CCDC158: variants seen among roughly 807,000 people sequenced by gnomAD.
The protein encoded by CCDC158 is coiled-coil domain-containing protein 158.
A neutral mutation model predicts 138.6 loss-of-function variants in CCDC158; 116 were observed. The observed-to-expected ratio is 0.84, with a 90% CI of 0.72 to 0.98. The LOEUF (loss-of-function observed/expected upper bound fraction) is 0.98, where lower values mean the gene tolerates loss of function less well. CCDC158 is among the 50% of genes least tolerant of loss of function. The pLI is 0.00. For missense variants in CCDC158, 1,265 were observed against 1,306.1 expected, an observed-to-expected ratio of 0.97 and a Z score of 0.48; for synonymous variants, 436 against 442.4, an observed-to-expected ratio of 0.99 and a Z score of 0.18.
At chr4:76,392,926 A>T (rs1160356764) in intron 4 of CCDC158, among the ~76,000 whole-genome samples, 1 of 151,966 alleles carries the variant, frequency 6.6e-6, no homozygotes, top group Non-Finnish European at 1.5e-5. Context: ...AATTAACCAA[A>T]GAAGTGAAAG....
intron 1 of CCDC158, among the ~76,000 whole-genome samples, chr4:76,413,601 G>A (rs1313366973): frequency 6.6e-6 from 1 of 152,122 alleles, no homozygotes; most frequent in Non-Finnish European, 1.5e-5. Flanking sequence ...AAAGACTAGA[G>A]CACCCTGAAT....
At chr4:76,351,304 A>T (rs773290786) in intron 17 of CCDC158, among the ~76,000 whole-genome samples, 183 bp from the exon 18 acceptor site, 6 of 70,086 alleles carry the variant, frequency 8.6e-5, no homozygotes, top group Admixed American at 3.1e-4. Flanking sequence ...TGTACGATTT[A>T]AAAAAAAAAC....
At chr4:76,328,110 C>G (rs986267776) in intron 22 of CCDC158, among the ~76,000 whole-genome samples, 1 of 152,168 alleles carries the variant, frequency 6.6e-6, no homozygotes, top group Non-Finnish European at 1.5e-5. Context: ...CTTTGCTTAT[C>G]AACAAATTGT....
Position 76,371,472 on chromosome 4 carries a change from C to A in CCDC158, c.1094G>T (p.Arg365Leu). Residue 365 changes from arginine to leucine, a missense_variant, in exon 10 of 25, where the codon CGT becomes CTT. By Grantham distance (102) the Arg-to-Leu change is moderately radical. Transcript: ENST00000682701. ...NSELTEARTE[R>L]DQFSQESGNL... ...TCCAGATTCCTGACTGAATTGATCA[C>A]GCTCTGTCCGGGCTTCAGTTAGCTC... The A allele has an allele frequency of 6.2e-7, 1 of 1,614,092 alleles. No individual in the cohort carries two copies.
At chr4:76,369,761 C>T in intron 10 of CCDC158, 138 bp from the exon 11 acceptor site, 1 of 707,192 alleles carries the variant, frequency 1.4e-6, no homozygotes, top group Non-Finnish European at 2.3e-6. Context: ...TTTTTAATGG[C>T]TTAAGAGCAA....
At chr4:76,414,752 C>T (rs757440001) in intron 1 of CCDC158, among the ~76,000 whole-genome samples, 1 of 152,184 alleles carries the variant, frequency 6.6e-6, no homozygotes, top group Non-Finnish European at 1.5e-5. Context: ...CTTGCTGCTG[C>T]CAAGTAAGAA....
intron 15 of CCDC158, among the ~76,000 whole-genome samples, chr4:76,354,930 A>G (rs1723400393): frequency 6.6e-6 from 1 of 152,170 alleles, no homozygotes; most frequent in East Asian, 1.9e-4. Context: ...TTAGGTTCCT[A>G]TTATTTTATG....
chr4:76,400,125 T>C (rs1369772051), intron 3 of CCDC158, among the ~76,000 whole-genome samples: 2 of 152,006 alleles, frequency 1.3e-5, no homozygotes, highest in South Asian at 4.2e-4. Flanking sequence ...TGCGGCACTA[T>C]TCACAATAGC....
intron 4 of CCDC158, among the ~76,000 whole-genome samples, chr4:76,391,108 A>G (rs1375259024): frequency 6.6e-6 from 1 of 152,008 alleles, no homozygotes; most frequent in Non-Finnish European, 1.5e-5. Context: ...CATAAAACCT[A>G]ATCTGTACTA....
At chr4:76,367,894 CT>C (rs5859510) in intron 11 of CCDC158, 118 bp from the exon 12 acceptor site, 387,128 of 684,024 alleles carry the variant, frequency 0.57, 59,986 homozygotes, top group Admixed American at 0.68. Flanking sequence ...TTAGTAAGAT[CT>C]TTTTTTTTTT....
intron 4 of CCDC158, among the ~76,000 whole-genome samples, chr4:76,390,833 T>C (rs1182926267): frequency 6.6e-6 from 1 of 152,006 alleles, no homozygotes; most frequent in Non-Finnish European, 1.5e-5. Context: ...GATGTAGCTA[T>C]ACTTATATCA....
intron 24 of CCDC158, among the ~76,000 whole-genome samples, chr4:76,317,291 A>G (rs1719493511): frequency 6.6e-6 from 1 of 152,198 alleles, no homozygotes; most frequent in Non-Finnish European, 1.5e-5. Context: ...GGAAAAAGAT[A>G]TTCCATGCAA....
In CCDC158 at chr4:76,387,600, G is replaced by A. The variant is rs190324899; in HGVS notation, c.289-2935C>T. On this transcript the variant is annotated intron_variant, in intron 4 of 24. Coordinates refer to ENST00000682701, the MANE Select transcript of CCDC158 (RefSeq NM_001394954.1). ...AGCACTTTGGGAGGCTGAAGTGGGC[G>A]GATCATGAGGTCAGGAGTTTGAGAC... Among the ~76,000 whole-genome samples, 5 of 151,900 alleles carry A rather than the reference G, an allele frequency of 3.3e-5. No individual in the cohort carries two copies. In the East Asian group the frequency reaches 9.7e-4, roughly 29 times the overall value.
chr4:76,319,130 G>A (rs1298632087), intron 24 of CCDC158, among the ~76,000 whole-genome samples: 2 of 152,074 alleles, frequency 1.3e-5, no homozygotes, highest in African/African-American at 4.8e-5. Flanking sequence ...AAATTAGCCA[G>A]GCGTGCTGGT....
chr4:76,329,168 C>T (rs530266979), intron 21 of CCDC158, among the ~76,000 whole-genome samples: 2 of 152,270 alleles, frequency 1.3e-5, no homozygotes, highest in South Asian at 2.1e-4. Flanking sequence ...AATCCATGAA[C>T]ATTTTACAGA....
intron 22 of CCDC158, among the ~76,000 whole-genome samples, chr4:76,327,664 C>T (rs958293730): frequency 6.6e-6 from 1 of 152,134 alleles, no homozygotes; most frequent in African/African-American, 2.4e-5. Flanking sequence ...TCTTATGGGA[C>T]CTCTGTTGTA....
upstream of CCDC158, chr4:76,421,714 T>G (rs940158001): frequency 2.0e-5 from 3 of 149,250 alleles, no homozygotes; most frequent in African/African-American, 7.4e-5. Context: ...CATTCCCATT[T>G]GACCATTTCA....
At position 76,316,407 on chromosome 4, in the gene CCDC158, CA is replaced by C. The variant is rs553847835; in HGVS notation, c.3278-3162del. Among the ~76,000 whole-genome samples the C allele has an allele frequency of 2.9e-3, 447 of 151,932 alleles. 4 individuals are homozygous for C. The highest frequency in any genetic ancestry group is 0.01 in the African/African-American group (427 of 41,480). On this transcript the variant is annotated intron_variant, in intron 24 of 24. Transcript: ENST00000682701. The stretch of plus-strand genomic sequence containing the variant: ...TCAAATTAGCCCAATCAGACAAAGA[CA>C]AAGAAAAAAGAATTTAATAAAATTG...
At chr4:76,397,832 T>G (rs1727966679) in intron 3 of CCDC158, among the ~76,000 whole-genome samples, 1 of 152,214 alleles carries the variant, frequency 6.6e-6, no homozygotes, top group Admixed American at 6.5e-5. Context: ...GCAATATGCA[T>G]GCCAGACCTT....
Sources: allele counts gnomAD v4.1 joint callset (sites outside exome capture counted in the v4.1 genomes callset), GRCh38; gene constraint gnomAD v4.1.1; transcripts MANE v1.5; gene names NCBI Gene and HGNC (gene_info 2026-07-23, HGNC 2026-07-21).